TMEM232: variants seen among roughly 807,000 people sequenced by gnomAD.
The protein encoded by TMEM232 is transmembrane protein 232.
In TMEM232, 80 loss-of-function variants were observed where a neutral mutation model predicts 78.8. The observed-to-expected ratio is 1.01, with a 90% confidence interval of 0.85 to 1.22. The LOEUF is 1.22. TMEM232 is among the 50% of genes most tolerant of loss of function. The pLI is 0.00. For synonymous variants in TMEM232, 297 were observed against 254.3 expected (o/e 1.17, Z -1.60); for missense variants, 881 against 742.2 (o/e 1.19, Z -2.17).
chr5:110,568,916 A>G (rs1011392985), intron 10 of TMEM232, among the ~76,000 whole-genome samples: 4 of 151,928 alleles, frequency 2.6e-5, no homozygotes, highest in African/African-American at 9.7e-5. Context: ...CATACACAAA[A>G]TAAATTCTTA....
At chr5:110,708,137 G>A (rs463718) in intron 1 of TMEM232, among the ~76,000 whole-genome samples, 88,601 of 152,098 alleles carry the variant, frequency 0.58, 30,862 homozygotes, top group Non-Finnish European at 0.78. Context: ...AAAAGCAGAG[G>A]GGCAGGTAAA....
intron 10 of TMEM232, among the ~76,000 whole-genome samples, chr5:110,576,685 A>G (rs1229764208): frequency 1.3e-5 from 2 of 152,104 alleles, no homozygotes; most frequent in Non-Finnish European, 2.9e-5. Context: ...ACAAAAACAG[A>G]TACATAGACC....
intron 1 of TMEM232, among the ~76,000 whole-genome samples, chr5:110,682,884 G>C (rs1009775046): frequency 6.6e-6 from 1 of 152,054 alleles, no homozygotes. Flanking sequence ...ACACTCCTAG[G>C]ACATTTGGCT....
rs186225013 is a variant in TMEM232 at position 110,460,595 on chromosome 5, C to T, written c.1704-35679G>A. On this transcript the variant is annotated intron_variant, in intron 12 of 13. Transcript: ENST00000455884. The stretch of plus-strand genomic sequence containing the variant: ...AGTATAATTTGCCACTTCAAACACA[C>T]ACACATATACTACTATAGGCATATT... 4.4e-3 allele frequency among the ~76,000 whole-genome samples: 665 copies of T among 152,052 alleles called. 3 individuals carry two copies. Among genetic ancestry groups the T allele is most frequent in the Non-Finnish European group, 6.4e-3 (434 of 67,982 alleles).
chr5:110,483,643 A>C (rs2149401259), intron 12 of TMEM232, among the ~76,000 whole-genome samples: 1 of 152,202 alleles, frequency 6.6e-6, no homozygotes, highest in Non-Finnish European at 1.5e-5. Context: ...AGATATACCT[A>C]ATGTTAAATG....
intron 11 of TMEM232, among the ~76,000 whole-genome samples, chr5:110,546,058 G>T (rs1448794460): frequency 1.3e-5 from 2 of 152,034 alleles, no homozygotes; most frequent in Admixed American, 6.6e-5. Flanking sequence ...TTTGTCACAT[G>T]AAGGGCTCAT....
In TMEM232 at chr5:110,605,276, A is replaced by G. The variant is rs1344285971; in HGVS notation, c.1109T>C (p.Leu370Ser). 6.4e-7 allele frequency: 1 copy of G among 1,551,390 alleles called. No individual in the cohort carries two copies. The change falls in exon 10 of 14, where the codon TTG becomes TCG. Residue 370 changes from leucine (L) to serine (S), a missense_variant. By Grantham distance (145) the Leu-to-Ser change is moderately radical (BLOSUM62 -2). Transcript: ENST00000455884. ...TCGCAAATCAGAAGTGGCTGCATAC[A>G]AGCAGATTTCTGCAAGAATTACTGT... ...IYTVILAEIC[L>S]YAATSDLRKT...
At chr5:110,716,439 A>G (rs1039534403) in intron 1 of TMEM232, among the ~76,000 whole-genome samples, 2 of 152,166 alleles carry the variant, frequency 1.3e-5, no homozygotes, top group Non-Finnish European at 2.9e-5. Flanking sequence ...TCCTGCAACC[A>G]GACAGTTCCA....
At chr5:110,482,613 TTTAA>T (rs1424177151) in intron 12 of TMEM232, among the ~76,000 whole-genome samples, 1 of 150,070 alleles carries the variant, frequency 6.7e-6, no homozygotes, top group East Asian at 1.9e-4. Flanking sequence ...ATATATTATT[TTTAA>T]TTAATGATGA....
At chr5:110,515,787 G>C (rs1012090193) in intron 12 of TMEM232, among the ~76,000 whole-genome samples, 4 of 152,142 alleles carry the variant, frequency 2.6e-5, no homozygotes, top group African/African-American at 9.7e-5. Flanking sequence ...CTTTTATAAA[G>C]GAAGCTGCAG....
intron 12 of TMEM232, among the ~76,000 whole-genome samples, chr5:110,460,561 T>A (rs1326105728): frequency 6.6e-6 from 1 of 152,190 alleles, no homozygotes; most frequent in Non-Finnish European, 1.5e-5. Flanking sequence ...ACTAAAAATA[T>A]TGCCTTTAAG....
chr5:110,403,839 G>T (rs933374215), intron 2 of TMEM232, among the ~76,000 whole-genome samples: 2 of 151,942 alleles, frequency 1.3e-5, no homozygotes, highest in African/African-American at 2.4e-5. Flanking sequence ...GGGTGGGGTG[G>T]GGAGCAATGT....
chr5:110,501,850 G>A (rs1766297184), intron 12 of TMEM232, among the ~76,000 whole-genome samples: 1 of 152,100 alleles, frequency 6.6e-6, no homozygotes, highest in Admixed American at 6.6e-5. Flanking sequence ...TCAGAAGTGG[G>A]AAAGAGCTCT....
intron 12 of TMEM232, among the ~76,000 whole-genome samples, chr5:110,491,772 T>G (rs1170804312): frequency 1.3e-5 from 2 of 151,836 alleles, no homozygotes; most frequent in Non-Finnish European, 2.9e-5. Context: ...AAATCAAAAT[T>G]TGGCCCTCTG....
intron 1 of TMEM232, among the ~76,000 whole-genome samples, chr5:110,682,373 G>T (rs78479216): frequency 0.038 from 5,782 of 151,682 alleles, 273 homozygotes; most frequent in East Asian, 0.22. Flanking sequence ...CCTAAATAAT[G>T]AAATGAAAGG....
intron 1 of TMEM232, among the ~76,000 whole-genome samples, chr5:110,709,281 T>C (rs547726498): frequency 6.6e-6 from 1 of 152,136 alleles, no homozygotes; most frequent in East Asian, 1.9e-4. Context: ...AGCGAATGAA[T>C]AGCTGGAGAC....
At chr5:110,537,304 T>C (rs1468104342) in intron 11 of TMEM232, among the ~76,000 whole-genome samples, 2 of 151,670 alleles carry the variant, frequency 1.3e-5, no homozygotes, top group Admixed American at 6.6e-5. Context: ...TTTTTTTTTC[T>C]GCAATGCTGT....
At chr5:110,423,431 A>G (rs761495205) in intron 13 of TMEM232, among the ~76,000 whole-genome samples, 1 of 152,188 alleles carries the variant, frequency 6.6e-6, no homozygotes, top group African/African-American at 2.4e-5. Context: ...CCATCTGAAA[A>G]TAAGTGATAT....
Position 110,667,425 on chromosome 5 carries a change from T to C in TMEM232, c.-12-61A>G, listed in dbSNP as rs527561215. ...TGCACTCATAGTATCAAACAACATG[T>C]TATGCAAATTCATTATTTTTGGAAA... On this transcript the variant is annotated intron_variant, in intron 1 of 13. Transcript: ENST00000455884. The C allele has an allele frequency of 5.5e-6, 7 of 1,277,064 alleles. No individual in the cohort carries two copies. The Admixed American group carries it at 1.1e-4, about 19-fold the overall frequency. The allele number at this position is 1,277,064 out of a possible 1,614,324, so 79.1% of individuals were successfully genotyped here.
Sources: allele counts gnomAD v4.1 joint callset (sites outside exome capture counted in the v4.1 genomes callset), GRCh38; gene constraint gnomAD v4.1.1; transcripts MANE v1.5; gene names NCBI Gene and HGNC (gene_info 2026-07-23, HGNC 2026-07-21).